Variants in KPNA4 observed in about 807,000 individuals in gnomAD.
KPNA4 encodes karyopherin subunit alpha 4.
KPNA4 carries 13 observed loss-of-function variants against 71.3 expected under a neutral mutation model. The observed-to-expected ratio is 0.18, with a 90% confidence interval of 0.12 to 0.29. The LOEUF (loss-of-function observed/expected upper bound fraction) is 0.29. Ranked by LOEUF, KPNA4 falls within the 10% of genes least tolerant of loss-of-function variation. KPNA4 has a pLI of 1.00. For missense variants in KPNA4, 334 were observed against 603.2 expected (o/e 0.55, Z 4.67); for synonymous variants, 189 against 195.2 (o/e 0.97, Z 0.26).
intron 10 of KPNA4, among the ~76,000 whole-genome samples, chr3:160,525,359 T>G (rs1474157611): frequency 1.4e-5 from 2 of 144,780 alleles, no homozygotes; most frequent in African/African-American, 4.9e-5. Flanking sequence ...TCCTTTTTCA[T>G]CTTTCAAAAA....
chr3:160,552,848 T>G (rs2108560098), intron 1 of KPNA4, among the ~76,000 whole-genome samples: 2 of 152,210 alleles, frequency 1.3e-5, no homozygotes, highest in South Asian at 2.1e-4. Context: ...TATAAGTAAC[T>G]AAGGCAGATA....
Position 160,506,327 on chromosome 3 carries a change from C to T in KPNA4, c.1373-1275G>A, listed in dbSNP as rs564440269. Among the ~76,000 whole-genome samples the T allele has an allele frequency of 4.6e-5, 7 of 152,198 alleles. No individual in the cohort carries two copies. In the South Asian group the frequency reaches 1.2e-3, roughly 27 times the overall value. ...AGGATTACAGGTGTGCGCTACCACA[C>T]CCAGCTAATGTTTCATATTTTTAGT... On this transcript the variant is annotated intron_variant, in intron 15 of 16. Coordinates refer to ENST00000334256, the MANE Select transcript of KPNA4 (RefSeq NM_002268.5).
At chr3:160,564,056 A>C (rs1722293645) in intron 1 of KPNA4, among the ~76,000 whole-genome samples, 1 of 152,258 alleles carries the variant, frequency 6.6e-6, no homozygotes, top group Admixed American at 6.5e-5. Flanking sequence ...CGAGAACAAC[A>C]TAAAAAATAC....
chr3:160,536,687 T>C lies in KPNA4; in HGVS notation c.114+109A>G, dbSNP rs1301658587. The C allele has an allele frequency of 2.8e-5, 15 of 544,140 alleles. No homozygotes were observed. In the East Asian group the frequency reaches 3.8e-4, roughly 14 times the overall value. The allele number at this position is 544,140 out of a possible 1,614,324, so 33.7% of individuals were successfully genotyped here. ...TAGTAAATAAAATTTAGTTATACAA[T>C]AGGTTATACATTTTACCTAAAAACA... On this transcript the variant is annotated intron_variant, in intron 2 of 16. Coordinates refer to ENST00000334256, the MANE Select transcript of KPNA4 (RefSeq NM_002268.5).
chr3:160,512,280 A>G lies in KPNA4; in HGVS notation c.1137+1797T>C, dbSNP rs536337878. On this transcript the variant is annotated intron_variant, in intron 13 of 16. Transcript: ENST00000334256. Reference sequence around the variant, plus strand: ...CCAAAAGGTGTAGCTCTCAAAAACTAGTGATAACATAAAAGATACAGGTCA... The same window carrying G: ...CCAAAAGGTGTAGCTCTCAAAAACTGGTGATAACATAAAAGATACAGGTCA... 3.3e-5 allele frequency among the ~76,000 whole-genome samples: 5 copies of G among 152,290 alleles called. No individual in the cohort carries two copies. The East Asian group carries it at 9.7e-4, about 29-fold the overall frequency.
chr3:160,528,787 G>A (rs1721511384), intron 7 of KPNA4, among the ~76,000 whole-genome samples: 1 of 152,154 alleles, frequency 6.6e-6, no homozygotes, highest in Admixed American at 6.5e-5. Flanking sequence ...CAACAGGATG[G>A]GAAACAGAGA....
At chr3:160,535,439 T>A in intron 5 of KPNA4, 74 bp downstream of exon 5, 2 of 1,016,212 alleles carry the variant, frequency 2.0e-6, no homozygotes, top group Non-Finnish European at 3.0e-6. Flanking sequence ...CAGGGACTAC[T>A]CAATAGTAAA....
intron 10 of KPNA4, among the ~76,000 whole-genome samples, chr3:160,525,027 T>C (rs1721432864): frequency 1.3e-5 from 2 of 152,242 alleles, no homozygotes; most frequent in Admixed American, 6.5e-5. Context: ...TTACCCATTA[T>C]ATTCCTGGTT....
intron 11 of KPNA4, among the ~76,000 whole-genome samples, chr3:160,519,804 A>G (rs1240955558): frequency 2.0e-5 from 1 of 49,144 alleles, no homozygotes; most frequent in African/African-American, 6.7e-5. Context: ...TCCGTCTCAA[A>G]AAAAAAAAAA....
intron 1 of KPNA4, among the ~76,000 whole-genome samples, chr3:160,547,754 C>T (rs1721952853): frequency 6.6e-6 from 1 of 152,180 alleles, no homozygotes; most frequent in Admixed American, 6.5e-5. Flanking sequence ...AACTACTGAT[C>T]TTTTTACTGT....
intron 8 of KPNA4, among the ~76,000 whole-genome samples, chr3:160,526,539 A>G (rs1721463885): frequency 6.6e-6 from 1 of 152,370 alleles, no homozygotes. Flanking sequence ...AACCAGTGCT[A>G]GAATAGTGGT....
Position 160,546,210 on chromosome 3 carries a change from T to C in KPNA4, c.70-9370A>G, listed in dbSNP as rs963876305. ...AAGACTAAGAGAGAAATCAGTGAGA[T>C]AGAAGGCAGTCAAGAATCTGTGCAA... On this transcript the variant is annotated intron_variant, in intron 1 of 16. Transcript: ENST00000334256. Among the ~76,000 whole-genome samples, 9 of 152,130 alleles carry C rather than the reference T, an allele frequency of 5.9e-5. No homozygotes were observed. The East Asian group carries it at 7.7e-4, about 13-fold the overall frequency.
intron 1 of KPNA4, among the ~76,000 whole-genome samples, chr3:160,547,845 T>A (rs775771276): frequency 6.6e-6 from 1 of 152,204 alleles, no homozygotes; most frequent in African/African-American, 2.4e-5. Context: ...TTGTTTCTTT[T>A]AGCAATATGC....
chr3:160,497,939 G>T lies in KPNA4; in HGVS notation c.*4165C>A, dbSNP rs1051616523. On this transcript the variant is annotated 3_prime_UTR_variant, in exon 17 of 17. Transcript: ENST00000334256. ...CTCTTAGGCAAGCTTCTATAACAATGTTACCCATTCCTTAGTAAACAAAAA... is the reference window on the plus strand; with the variant it reads ...CTCTTAGGCAAGCTTCTATAACAATTTTACCCATTCCTTAGTAAACAAAAA... 6.6e-6 allele frequency: 1 copy of T among 152,028 alleles called. No homozygotes were observed. The highest frequency in any genetic ancestry group is 1.5e-5 in the Non-Finnish European group (1 of 68,010). The allele number at this position is 152,028 out of a possible 1,614,324, so 9.4% of individuals were successfully genotyped here. A position where few individuals can be genotyped will look rare whatever the true frequency, so the allele number is the denominator to read the frequency against.
intron 1 of KPNA4, among the ~76,000 whole-genome samples, chr3:160,549,384 A>G (rs533036316): frequency 3.9e-5 from 6 of 151,972 alleles, no homozygotes; most frequent in African/African-American, 1.2e-4. Flanking sequence ...AACTTTCTCT[A>G]TTTTCTTCTA....
At chr3:160,521,741 G>A (rs936887308) in intron 11 of KPNA4, 38 bp downstream of exon 11, 12 of 1,592,398 alleles carry the variant, frequency 7.5e-6, no homozygotes, top group Admixed American at 6.9e-5. Flanking sequence ...GCAATTAGTG[G>A]TAAGAAATAC....
chr3:160,556,643 C>T (rs934413561), intron 1 of KPNA4, among the ~76,000 whole-genome samples: 1 of 152,130 alleles, frequency 6.6e-6, no homozygotes, highest in Non-Finnish European at 1.5e-5. Flanking sequence ...ATCTGGTATG[C>T]TCCAATGAGT....
At position 160,521,815 on chromosome 3, in the gene KPNA4, C is replaced by A; in HGVS notation, c.867G>T (p.Leu289Phe). The stretch of plus-strand genomic sequence containing the variant: ...CTTCCTGGTGGCTGAGCAGAGGAAC[C>A]AAATGAGGAACTATTCCAGAGTCTA... ...MVIDSGIVPHLVPLLSHQEVK... is the reference protein window; with the variant it reads ...MVIDSGIVPHFVPLLSHQEVK... The change falls in exon 11 of 17, where the codon TTG becomes TTT. Residue 289 changes from leucine (L) to phenylalanine (F), a missense_variant. Coordinates refer to ENST00000334256, the MANE Select transcript of KPNA4 (RefSeq NM_002268.5). 6.2e-7 allele frequency: 1 copy of A among 1,612,372 alleles called. No individual in the cohort carries two copies. The highest frequency in any genetic ancestry group is 8.5e-7 in the Non-Finnish European group (1 of 1,179,866).
rs1457978357 is a variant in KPNA4, at chr3:160,500,174, T to C, written c.*1930A>G. ...ACACACACACACCCCATGTAAAACATTGCTTTAAGTTTTAATGTTTATTTC... is the reference window on the plus strand; with the variant it reads ...ACACACACACACCCCATGTAAAACACTGCTTTAAGTTTTAATGTTTATTTC... On this transcript the variant is annotated 3_prime_UTR_variant, in exon 17 of 17. Transcript: ENST00000334256. 3 of 152,224 alleles carry C rather than the reference T, an allele frequency of 2.0e-5. No individual in the cohort carries two copies. The highest frequency in any genetic ancestry group is 1.9e-4 in the East Asian group (1 of 5,200). 9.4% of individuals were successfully genotyped at this position (152,224 alleles called of 1,614,324 possible). A position where few individuals can be genotyped will look rare whatever the true frequency, so the allele number is the denominator to read the frequency against.
Sources: allele counts gnomAD v4.1 joint callset (sites outside exome capture counted in the v4.1 genomes callset), GRCh38; gene constraint gnomAD v4.1.1; transcripts MANE v1.5; gene names NCBI Gene and HGNC (gene_info 2026-07-23, HGNC 2026-07-21).